The following LRRIQ3 variants were observed in gnomAD, a reference collection of about 807,000 sequenced individuals.
The protein encoded by LRRIQ3 is leucine-rich repeat and IQ domain-containing protein 3.
In LRRIQ3, 75 loss-of-function variants were observed where a neutral mutation model predicts 59.3. The ratio of observed to expected loss-of-function variants is 1.26; its 90% CI spans 1.05 to 1.53. LRRIQ3 has a LOEUF of 1.53. LRRIQ3 is among the 40% of genes most tolerant of loss of function. The pLI, the probability that LRRIQ3 is intolerant of heterozygous loss-of-function variation, is 0.00. For synonymous variants in LRRIQ3, 250 were observed against 231.3 expected (o/e 1.08, Z -0.73); for missense variants, 831 against 710.0 (o/e 1.17, Z -1.94).
intron 3 of LRRIQ3, among the ~76,000 whole-genome samples, chr1:74,161,254 T>C (rs1382606628): frequency 6.6e-6 from 1 of 151,854 alleles, no homozygotes; most frequent in African/African-American, 2.4e-5. Context: ...CCTCCAAAAG[T>C]CTCCACCTCC....
chr1:74,140,503 T>C (rs1206096572), intron 4 of LRRIQ3, among the ~76,000 whole-genome samples: 2 of 151,922 alleles, frequency 1.3e-5, no homozygotes, highest in South Asian at 4.1e-4. Flanking sequence ...TCCCAGTGAC[T>C]GAGAAAACTA....
intron 3 of LRRIQ3, among the ~76,000 whole-genome samples, chr1:74,172,674 T>G (rs1320332895): frequency 6.6e-6 from 1 of 152,178 alleles, no homozygotes; most frequent in Admixed American, 6.5e-5. Context: ...AGTGGGGTAT[T>G]GAAGTTTTGT....
At chr1:74,037,047 ACT>A (rs546295694) in intron 7 of LRRIQ3, among the ~76,000 whole-genome samples, 131 of 151,470 alleles carry the variant, frequency 8.6e-4, no homozygotes, top group Non-Finnish European at 1.6e-3. Context: ...TGTAAAAAGC[ACT>A]CTCTTCTCAG....
chr1:74,162,734 C>A (rs1316292570), intron 3 of LRRIQ3, among the ~76,000 whole-genome samples: 1 of 151,668 alleles, frequency 6.6e-6, no homozygotes, highest in Non-Finnish European at 1.5e-5. Flanking sequence ...GTTCTACGAT[C>A]TAGTCCATAA....
At chr1:74,051,037 T>A (rs1453704301) in intron 6 of LRRIQ3, among the ~76,000 whole-genome samples, 2 of 152,178 alleles carry the variant, frequency 1.3e-5, no homozygotes, top group African/African-American at 2.4e-5. Flanking sequence ...CCTGGGGATT[T>A]ATTGTAATAG....
At chr1:74,113,808 G>A (rs1392979301) in intron 4 of LRRIQ3, among the ~76,000 whole-genome samples, 1 of 151,874 alleles carries the variant, frequency 6.6e-6, no homozygotes, top group East Asian at 1.9e-4. Flanking sequence ...CTGAAGTCAA[G>A]AGACCTCCAT....
intron 3 of LRRIQ3, among the ~76,000 whole-genome samples, chr1:74,177,008 C>T (rs1649683311): frequency 6.6e-6 from 1 of 152,134 alleles, no homozygotes; most frequent in African/African-American, 2.4e-5. Flanking sequence ...ACTTTGACTG[C>T]AGTAGAGTGG....
chr1:74,029,114 G>T (rs1468829258), intron 7 of LRRIQ3, among the ~76,000 whole-genome samples: 3 of 152,042 alleles, frequency 2.0e-5, no homozygotes, highest in African/African-American at 7.2e-5. Context: ...GAGATTTTGG[G>T]CTGAGACAAT....
Position 74,126,558 on chromosome 1 carries a change from T to C in LRRIQ3, c.708-17005A>G, listed in dbSNP as rs1324664704. On this transcript the variant is annotated intron_variant, in intron 4 of 7. Coordinates refer to ENST00000354431, the MANE Select transcript of LRRIQ3 (RefSeq NM_001105659.2). ...TATTTGGTAGGTTCTGCTTCCATTA[T>C]CATTCGTTTAAAGAAATTTTTAAAT... Among the ~76,000 whole-genome samples the C allele has an allele frequency of 2.0e-5, 3 of 151,920 alleles. No homozygotes were observed. In the East Asian group the frequency reaches 5.8e-4, roughly 29 times the overall value.
intron 6 of LRRIQ3, among the ~76,000 whole-genome samples, chr1:74,071,521 A>G (rs1655028692): frequency 6.6e-6 from 1 of 152,164 alleles, no homozygotes; most frequent in South Asian, 2.1e-4. Flanking sequence ...ATGTTCTCCA[A>G]GGGAAGAGAG....
At chr1:74,131,189 C>A (rs1020954306) in intron 4 of LRRIQ3, among the ~76,000 whole-genome samples, 1 of 151,958 alleles carries the variant, frequency 6.6e-6, no homozygotes, top group Non-Finnish European at 1.5e-5. Context: ...AAGCTGAATC[C>A]CTGAATAGAC....
intron 1 of LRRIQ3, among the ~76,000 whole-genome samples, chr1:74,192,805 G>C (rs921416926): frequency 3.9e-5 from 6 of 152,058 alleles, no homozygotes; most frequent in African/African-American, 1.4e-4. Flanking sequence ...GTATGTGTCA[G>C]TTATTTATAT....
intron 6 of LRRIQ3, among the ~76,000 whole-genome samples, chr1:74,057,337 C>A (rs1654566718): frequency 6.6e-6 from 1 of 151,786 alleles, no homozygotes; most frequent in South Asian, 2.1e-4. Context: ...TAGTACCTGA[C>A]ATTAAAATAT....
At chr1:74,186,556 AT>A (rs554810666) in intron 1 of LRRIQ3, among the ~76,000 whole-genome samples, 31 of 152,296 alleles carry the variant, frequency 2.0e-4, no homozygotes, top group Middle Eastern at 6.8e-3. Flanking sequence ...ATTCTTAAAT[AT>A]GTTCAAATAT....
At chr1:74,134,468 A>G (rs1346578365) in intron 4 of LRRIQ3, among the ~76,000 whole-genome samples, 3 of 152,018 alleles carry the variant, frequency 2.0e-5, no homozygotes, top group Admixed American at 6.6e-5. Context: ...CATGAGTAAT[A>G]GAAATTATAA....
chr1:74,157,897 A>T (rs1357929812), intron 3 of LRRIQ3, among the ~76,000 whole-genome samples: 1 of 152,140 alleles, frequency 6.6e-6, no homozygotes, highest in Non-Finnish European at 1.5e-5. Context: ...CTACGTAACA[A>T]TATAGTCAAA....
intron 5 of LRRIQ3, among the ~76,000 whole-genome samples, chr1:74,105,631 G>T (rs1646601261): frequency 6.6e-6 from 1 of 151,818 alleles, no homozygotes; most frequent in African/African-American, 2.4e-5. Context: ...AATACAAACA[G>T]CTCATCAGAT....
intron 7 of LRRIQ3, among the ~76,000 whole-genome samples, chr1:74,031,375 A>G (rs111764470): frequency 1.2e-4 from 19 of 152,320 alleles, no homozygotes; most frequent in Middle Eastern, 3.4e-3. Flanking sequence ...ATGTCCAACA[A>G]TGATAGACTG....
rs558009712 is a variant in LRRIQ3 at position 74,080,758 on chromosome 1, T to A, written c.868-5968A>T. Among the ~76,000 whole-genome samples, 4 of 151,678 alleles carry A rather than the reference T, an allele frequency of 2.6e-5. No individual in the cohort carries two copies. The South Asian group carries it at 8.3e-4, about 32-fold the overall frequency. ...TCGCCTTTATTTGTTTGAATGAAAA[T>A]CGTTAGCTCTAGTGTCTGGCAGCAC... On this transcript the variant is annotated intron_variant, in intron 5 of 7. Coordinates refer to ENST00000354431, the MANE Select transcript of LRRIQ3 (RefSeq NM_001105659.2).
Sources: gnomAD v4.1 joint callset for allele counts (sites outside exome capture counted in the v4.1 genomes callset) on GRCh38, gnomAD v4.1.1 for gene constraint, MANE v1.5 for transcripts, NCBI Gene and HGNC (gene_info 2026-07-23, HGNC 2026-07-21) for gene names.